The following SLC9A9 variants were observed in gnomAD, a reference collection of about 807,000 sequenced individuals.
SLC9A9 encodes sodium/hydrogen exchanger 9.
In SLC9A9, 62 loss-of-function variants were observed where a neutral mutation model predicts 77.8. That is an observed-to-expected ratio of 0.80 (90% confidence interval 0.65 to 0.98). SLC9A9 has a LOEUF of 0.98. Ranked by LOEUF, SLC9A9 falls within the 50% of genes least tolerant of loss-of-function variation. SLC9A9 has a pLI of 0.00. For missense variants in SLC9A9, 775 were observed against 774.9 expected (o/e 1.00, Z 0.00); for synonymous variants, 320 against 283.5 (o/e 1.13, Z -1.29).
At chr3:143,586,950 G>A (rs574671581) in intron 6 of SLC9A9, among the ~76,000 whole-genome samples, 44 of 152,322 alleles carry the variant, frequency 2.9e-4, no homozygotes, top group African/African-American at 1.0e-3. Context: ...TGTTTGAGGG[G>A]AAACATCAAT....
chr3:143,692,679 T>C (rs1042191334), intron 5 of SLC9A9, among the ~76,000 whole-genome samples: 4 of 152,136 alleles, frequency 2.6e-5, no homozygotes, highest in African/African-American at 9.7e-5. Context: ...GGAGAGAAAT[T>C]CAGGATGATA....
At chr3:143,765,100 T>C (rs1251894424) in intron 4 of SLC9A9, among the ~76,000 whole-genome samples, 1 of 151,516 alleles carries the variant, frequency 6.6e-6, no homozygotes, top group African/African-American at 2.4e-5. Flanking sequence ...TCTCTTTCTT[T>C]CTTTCCCTCT....
chr3:143,692,610 T>A (rs1318989297), intron 5 of SLC9A9, among the ~76,000 whole-genome samples: 1 of 152,156 alleles, frequency 6.6e-6, no homozygotes, highest in Non-Finnish European at 1.5e-5. Flanking sequence ...TTTTTAAAAA[T>A]ATCTTTAAAC....
chr3:143,465,646 A>T (rs2035269203), intron 12 of SLC9A9, among the ~76,000 whole-genome samples: 1 of 152,138 alleles, frequency 6.6e-6, no homozygotes, highest in South Asian at 2.1e-4. Context: ...TAATTTTTCC[A>T]TGCAAGGATC....
intron 14 of SLC9A9, among the ~76,000 whole-genome samples, chr3:143,329,586 C>T (rs369851309): frequency 5.3e-5 from 8 of 152,322 alleles, no homozygotes; most frequent in South Asian, 4.1e-4. Flanking sequence ...TGGCCTCCTG[C>T]GCGTGCTGCT....
At chr3:143,727,012 C>T (rs1934671232) in intron 4 of SLC9A9, among the ~76,000 whole-genome samples, 1 of 123,724 alleles carries the variant, frequency 8.1e-6, no homozygotes, top group Non-Finnish European at 1.7e-5. Flanking sequence ...CCCACCTCCA[C>T]AAAAAGTCAT....
chr3:143,392,268 C>T (rs2033590061), intron 12 of SLC9A9, among the ~76,000 whole-genome samples: 1 of 152,182 alleles, frequency 6.6e-6, no homozygotes, highest in Non-Finnish European at 1.5e-5. Context: ...AGAAACTCTA[C>T]AAGCCAGAAG....
intron 12 of SLC9A9, among the ~76,000 whole-genome samples, chr3:143,384,113 T>C (rs775937013): frequency 2.6e-5 from 4 of 151,212 alleles, no homozygotes; most frequent in African/African-American, 9.7e-5. Context: ...ATTTGATTGA[T>C]GTCATCTGAG....
chr3:143,579,215 C>T (rs904838296), intron 6 of SLC9A9, among the ~76,000 whole-genome samples: 2 of 152,312 alleles, frequency 1.3e-5, no homozygotes, highest in East Asian at 1.9e-4. Flanking sequence ...CATTCCTCCT[C>T]TCCAGTGTAA....
At chr3:143,486,937 T>C (rs948898506) in intron 11 of SLC9A9, among the ~76,000 whole-genome samples, 6 of 152,010 alleles carry the variant, frequency 3.9e-5, no homozygotes, top group Non-Finnish European at 7.4e-5. Flanking sequence ...TACCAGTAAT[T>C]ACTTTAAATG....
At chr3:143,373,179 T>C (rs1179350364) in intron 13 of SLC9A9, among the ~76,000 whole-genome samples, 2 of 152,116 alleles carry the variant, frequency 1.3e-5, no homozygotes, top group African/African-American at 4.8e-5. Flanking sequence ...AATTCACAAC[T>C]GTAAAGATAC....
chr3:143,552,684 T>C (rs1384853187), intron 8 of SLC9A9, among the ~76,000 whole-genome samples: 1 of 152,162 alleles, frequency 6.6e-6, no homozygotes, highest in African/African-American at 2.4e-5. Flanking sequence ...TAAATAAACA[T>C]GAGAAGTAGA....
chr3:143,303,295 A>T (rs189676730), intron 14 of SLC9A9, among the ~76,000 whole-genome samples: 1 of 152,146 alleles, frequency 6.6e-6, no homozygotes, highest in East Asian at 1.9e-4. Context: ...TTTCAAATAG[A>T]AAGTGATATC....
At chr3:143,384,485 A>G (rs1354890231) in intron 12 of SLC9A9, among the ~76,000 whole-genome samples, 1 of 152,212 alleles carries the variant, frequency 6.6e-6, no homozygotes, top group Non-Finnish European at 1.5e-5. Context: ...GTCTCTGTCT[A>G]GAAACCTGGA....
chr3:143,796,917 A>G lies in SLC9A9; in HGVS notation c.379-14T>C, dbSNP rs138854745. ...ATCAAATGTCATCTGCCAGAAAGGAAAAAAAGGATAGTTAGAATGATGCTC... is the reference window on the plus strand; with the variant it reads ...ATCAAATGTCATCTGCCAGAAAGGAGAAAAAGGATAGTTAGAATGATGCTC... On this transcript the variant is annotated splice_polypyrimidine_tract_variant and intron_variant, in intron 2 of 15. Transcript: ENST00000316549. 2.0e-3 allele frequency: 3,275 copies of G among 1,601,368 alleles called. 58 individuals carry two copies. The African/African-American group carries it at 0.039, about 19-fold the overall frequency.
At chr3:143,400,847 G>A (rs145776968) in intron 12 of SLC9A9, among the ~76,000 whole-genome samples, 3 of 152,060 alleles carry the variant, frequency 2.0e-5, no homozygotes, top group African/African-American at 4.8e-5. Flanking sequence ...TCTCAGGATC[G>A]TGCAAGTGCT....
At chr3:143,321,683 A>C (rs549206455) in intron 14 of SLC9A9, among the ~76,000 whole-genome samples, 7 of 152,336 alleles carry the variant, frequency 4.6e-5, no homozygotes, top group Non-Finnish European at 8.8e-5. Context: ...AGTCAGCTGA[A>C]ATGGTACATC....
rs568470319 is a variant in SLC9A9, at chr3:143,694,551, C to G, written c.534-1244G>C. On this transcript the variant is annotated intron_variant, in intron 4 of 15. Transcript: ENST00000316549. ...CTTACCATTTCTACTTCTACACATGCTTTATTTAACTCATTAAATACCCAC... is the reference window on the plus strand; with the variant it reads ...CTTACCATTTCTACTTCTACACATGGTTTATTTAACTCATTAAATACCCAC... Among the ~76,000 whole-genome samples the G allele has an allele frequency of 7.2e-5, 11 of 152,232 alleles. No homozygotes were observed. The South Asian group carries it at 1.9e-3, about 26-fold the overall frequency.
intron 2 of SLC9A9, among the ~76,000 whole-genome samples, chr3:143,810,791 C>G (rs772994862): frequency 1.3e-5 from 2 of 151,906 alleles, no homozygotes; most frequent in Non-Finnish European, 2.9e-5. Flanking sequence ...ATTTAACAAC[C>G]CTCTTTTTGC....
Sources: gnomAD v4.1 joint callset for allele counts (sites outside exome capture counted in the v4.1 genomes callset) on GRCh38, gnomAD v4.1.1 for gene constraint, MANE v1.5 for transcripts, NCBI Gene and HGNC (gene_info 2026-07-23, HGNC 2026-07-21) for gene names.